Variants in NRXN2 observed in about 807,000 individuals in gnomAD.
The protein encoded by NRXN2 is neurexin-2-beta.
Under a neutral mutation model 128.8 loss-of-function variants are expected in NRXN2, and 29 were observed. The observed-to-expected ratio is 0.23, with a 90% CI of 0.17 to 0.31. The LOEUF is 0.31. NRXN2 is among the 10% of genes least tolerant of loss of function. The pLI is 1.00. For synonymous variants in NRXN2, 1,098 were observed against 1,075.2 expected, an observed-to-expected ratio of 1.02 and a Z score of -0.41; for missense variants, 1,881 against 2,452.6, an observed-to-expected ratio of 0.77 and a Z score of 4.92.
intron 2 of NRXN2, among the ~76,000 whole-genome samples, chr11:64,698,390 T>A (rs2054844516): frequency 1.3e-5 from 2 of 152,208 alleles, no homozygotes; most frequent in Non-Finnish European, 1.5e-5. Flanking sequence ...TGAAAAGACA[T>A]CAAGACACAG....
At chr11:64,684,924 G>A (rs921379597) in intron 6 of NRXN2, among the ~76,000 whole-genome samples, 1 of 152,202 alleles carries the variant, frequency 6.6e-6, no homozygotes, top group African/African-American at 2.4e-5. Flanking sequence ...TTGCCCAGGA[G>A]CCAAGGGGAG....
intron 17 of NRXN2, among the ~76,000 whole-genome samples, chr11:64,646,992 G>A (rs2046778102): frequency 6.6e-6 from 1 of 151,964 alleles, no homozygotes; most frequent in African/African-American, 2.4e-5. Flanking sequence ...TTTCAAAGGG[G>A]AAAGAAAAAC....
intron 2 of NRXN2, among the ~76,000 whole-genome samples, chr11:64,705,102 T>G (rs1003331010): frequency 2.6e-5 from 4 of 152,180 alleles, no homozygotes; most frequent in Non-Finnish European, 4.4e-5. Context: ...AGGAACACCC[T>G]CAGCACACAC....
At chr11:64,708,840 C>T (rs972362009) in intron 2 of NRXN2, among the ~76,000 whole-genome samples, 7 of 152,148 alleles carry the variant, frequency 4.6e-5, no homozygotes, top group African/African-American at 1.7e-4. Flanking sequence ...TATACTCACA[C>T]TAAACAGATA....
chr11:64,678,790 G>T (rs140170195), intron 6 of NRXN2, among the ~76,000 whole-genome samples: 6 of 152,030 alleles, frequency 3.9e-5, no homozygotes, highest in African/African-American at 7.2e-5. Context: ...CTGCACCCCC[G>T]AGAGTGTGAT....
rs1350542542 is a variant in NRXN2 at position 64,607,128 on chromosome 11, G to A, written c.*68C>T. ...AGGGTCCCCAGGCCCCTGGCAGGGA[G>A]AGGGTGGCACCCTCCTCCCGGGCCC... is the stretch of plus-strand genomic sequence containing the variant. On this transcript the variant is annotated 3_prime_UTR_variant, in exon 23 of 23. Coordinates refer to ENST00000265459, the MANE Select transcript of NRXN2 (RefSeq NM_015080.4). 2 of 1,537,956 alleles carry A rather than the reference G, an allele frequency of 1.3e-6. No homozygotes were observed. The highest frequency in any genetic ancestry group is 1.8e-5 in the Admixed American group (1 of 55,946).
chr11:64,682,571 A>G (rs917347379), intron 6 of NRXN2, among the ~76,000 whole-genome samples: 3 of 152,250 alleles, frequency 2.0e-5, no homozygotes, highest in African/African-American at 7.2e-5. Flanking sequence ...GGAGCTCCTG[A>G]AAGCCTCTGC....
intron 2 of NRXN2, among the ~76,000 whole-genome samples, chr11:64,702,388 A>G (rs2055604136): frequency 6.6e-6 from 1 of 152,082 alleles, no homozygotes; most frequent in Non-Finnish European, 1.5e-5. Flanking sequence ...AGATTGAGAA[A>G]TCGGATGGTT....
chr11:64,683,800 A>T (rs2052639815), intron 6 of NRXN2, among the ~76,000 whole-genome samples: 1 of 152,112 alleles, frequency 6.6e-6, no homozygotes, highest in African/African-American at 2.4e-5. Flanking sequence ...AGAAGTTTCC[A>T]TCAGTTACCA....
Position 64,651,733 on chromosome 11 carries a change from T to C in NRXN2, c.2537-97A>G. On this transcript the variant is annotated intron_variant, in intron 13 of 22. Coordinates refer to ENST00000265459, the MANE Select transcript of NRXN2 (RefSeq NM_015080.4). The surrounding 1 kb of genome is among the most constrained non-coding windows in gnomAD (Gnocchi z 5.9). ...CTCCCCTCCACAGGAGGGCCACCCA[T>C]GAGTGACATCTTTAGAGATGTCCTC... 1.5e-5 allele frequency: 20 copies of C among 1,365,024 alleles called. No individual in the cohort carries two copies. The highest frequency in any genetic ancestry group is 2.1e-5 in the Non-Finnish European group (20 of 974,886). 84.6% of individuals were successfully genotyped at this position (1,365,024 alleles called of 1,614,324 possible).
At chr11:64,671,905 T>C (rs1275829715) in intron 7 of NRXN2, among the ~76,000 whole-genome samples, 1 of 148,782 alleles carries the variant, frequency 6.7e-6, no homozygotes, top group Non-Finnish European at 1.5e-5. Context: ...GAGACACACC[T>C]GCGTACATAC....
chr11:64,655,404 C>A (rs535084003), intron 11 of NRXN2, among the ~76,000 whole-genome samples: 1 of 151,986 alleles, frequency 6.6e-6, no homozygotes, highest in Non-Finnish European at 1.5e-5. Flanking sequence ...GAGGAAGGAG[C>A]GGCTGCACAG....
chr11:64,711,782 C>G (rs1471410343), intron 2 of NRXN2, among the ~76,000 whole-genome samples: 1 of 152,196 alleles, frequency 6.6e-6, no homozygotes, highest in Non-Finnish European at 1.5e-5. Flanking sequence ...GACCCTCACC[C>G]AAACTGTCCA....
chr11:64,670,497 C>T (rs961627883), intron 7 of NRXN2, among the ~76,000 whole-genome samples: 2 of 152,006 alleles, frequency 1.3e-5, no homozygotes, highest in African/African-American at 4.8e-5. Flanking sequence ...ATGGGCCTCC[C>T]TGGGGCAAAT....
intron 17 of NRXN2, among the ~76,000 whole-genome samples, chr11:64,640,993 GA>G (rs1271781894): frequency 2.6e-5 from 4 of 152,186 alleles, no homozygotes; most frequent in Admixed American, 2.6e-4. Context: ...TGGAGAGACA[GA>G]AACAGGAAGT....
intron 2 of NRXN2, among the ~76,000 whole-genome samples, chr11:64,709,833 C>T (rs1281709463): frequency 1.3e-5 from 2 of 151,902 alleles, no homozygotes; most frequent in African/African-American, 4.8e-5. Flanking sequence ...ATCACACACA[C>T]TCCACATATA....
rs772355174 is a variant in NRXN2, at chr11:64,635,261, G to A, written c.3585+10C>T. ...CTTGAGGTTGAAGGGTTGGGGCCCA[G>A]GGTCCTTACGATGTGCAGCTGCAGG... On this transcript the variant is annotated intron_variant, in intron 18 of 22. Coordinates refer to ENST00000265459, the MANE Select transcript of NRXN2 (RefSeq NM_015080.4). The surrounding 1 kb of genome is among the most constrained non-coding windows in gnomAD (Gnocchi z 4.8). 6.2e-7 allele frequency: 1 copy of A among 1,611,810 alleles called. No homozygotes were observed. Among genetic ancestry groups the A allele is most frequent in the Non-Finnish European group, 8.5e-7 (1 of 1,179,860 alleles).
chr11:64,677,131 A>C, intron 6 of NRXN2, 94 bp from the exon 7 acceptor site: 18 of 861,086 alleles, frequency 2.1e-5, no homozygotes, highest in Non-Finnish European at 3.2e-5. Flanking sequence ...AGAAAAGAAA[A>C]ATAAAATGAC....
At chr11:64,701,148 C>G (rs868562622) in intron 2 of NRXN2, among the ~76,000 whole-genome samples, 30 of 152,290 alleles carry the variant, frequency 2.0e-4, no homozygotes, top group African/African-American at 6.7e-4. Flanking sequence ...ACTCTTTTCA[C>G]CCTGAAATTC....
Sources: gnomAD v4.1 joint callset for allele counts (sites outside exome capture counted in the v4.1 genomes callset) on GRCh38, gnomAD v4.1.1 for gene constraint, Gnocchi (gnomAD v3.1) non-coding constraint, MANE v1.5 for transcripts, NCBI Gene and HGNC (gene_info 2026-07-23, HGNC 2026-07-21) for gene names.